CDIN1: variants seen among roughly 807,000 people sequenced by gnomAD.
CDIN1 encodes CDAN1 interacting nuclease 1.
Under a neutral mutation model 45.3 loss-of-function variants are expected in CDIN1, and 33 were observed. That is an observed-to-expected ratio of 0.73 (90% CI 0.55 to 0.97). The LOEUF is 0.97. Ranked by LOEUF, CDIN1 falls within the 50% of genes least tolerant of loss-of-function variation. The probability of loss-of-function intolerance (pLI) is 0.00; values close to 1 mark genes in which losing one functional copy is unlikely to be tolerated. For missense variants in CDIN1, 303 were observed against 339.4 expected, an observed-to-expected ratio of 0.89 and a Z score of 0.84; for synonymous variants, 118 against 124.4, an observed-to-expected ratio of 0.95 and a Z score of 0.34.
At position 36,580,997 on chromosome 15, in the gene CDIN1, G is replaced by T. The variant is rs117014195; in HGVS notation, c.101+1036G>T. Among the ~76,000 whole-genome samples, 72 of 152,264 alleles carry T rather than the reference G, an allele frequency of 4.7e-4. No individual in the cohort carries two copies. The East Asian group carries it at 0.012, about 25-fold the overall frequency. Reference sequence around the variant, plus strand: ...TTCTGTTATGACTTTGCTTTTTGAAGGACTTGGTTTTCCTAGTCTGTAAAA... The same window carrying T: ...TTCTGTTATGACTTTGCTTTTTGAATGACTTGGTTTTCCTAGTCTGTAAAA... On this transcript the variant is annotated intron_variant, in intron 1 of 10. Coordinates refer to ENST00000566621, the MANE Select transcript of CDIN1 (RefSeq NM_001321759.2).
intron 1 of CDIN1, among the ~76,000 whole-genome samples, chr15:36,621,895 G>A (rs988427966): frequency 8.0e-6 from 1 of 124,512 alleles, no homozygotes; most frequent in East Asian, 2.1e-4. Context: ...TCCTCCAAGG[G>A]CTTTTAATAG....
intron 10 of CDIN1, among the ~76,000 whole-genome samples, chr15:36,762,350 G>A (rs1346262085): frequency 6.6e-6 from 1 of 152,118 alleles, no homozygotes; most frequent in East Asian, 1.9e-4. Context: ...ACATATTGCT[G>A]AAGTAGTTAA....
chr15:36,787,360 TC>T (rs1234261133), intron 10 of CDIN1, among the ~76,000 whole-genome samples: 1 of 152,242 alleles, frequency 6.6e-6, no homozygotes, highest in East Asian at 1.9e-4. Context: ...TGGTAGCTTT[TC>T]AAGCATTTCA....
intron 10 of CDIN1, among the ~76,000 whole-genome samples, chr15:36,779,529 C>A (rs935690691): frequency 6.6e-6 from 1 of 152,158 alleles, no homozygotes; most frequent in African/African-American, 2.4e-5. Flanking sequence ...TGAGCCTGCC[C>A]CAGACCACCT....
At chr15:36,643,754 A>G (rs1315060674) in intron 1 of CDIN1, among the ~76,000 whole-genome samples, 1 of 152,210 alleles carries the variant, frequency 6.6e-6, no homozygotes, top group East Asian at 1.9e-4. Flanking sequence ...GTATTTTCAT[A>G]GCACGCCAGT....
chr15:36,649,898 A>G (rs548429332), intron 3 of CDIN1, among the ~76,000 whole-genome samples: 2 of 152,328 alleles, frequency 1.3e-5, no homozygotes, highest in African/African-American at 2.4e-5. Flanking sequence ...TGTGTCTTAT[A>G]TATGTATTGT....
At chr15:36,722,262 AAG>A (rs1566930177) in intron 10 of CDIN1, among the ~76,000 whole-genome samples, 1 of 149,496 alleles carries the variant, frequency 6.7e-6, no homozygotes, top group Non-Finnish European at 1.5e-5. Context: ...GTCATCATGA[AAG>A]AGAGTACTGT....
intron 1 of CDIN1, among the ~76,000 whole-genome samples, chr15:36,599,551 T>C (rs2037999889): frequency 6.6e-6 from 1 of 152,246 alleles, no homozygotes; most frequent in Non-Finnish European, 1.5e-5. Context: ...GTGTCAGATC[T>C]GATAAATTAT....
Position 36,808,505 on chromosome 15 carries a change from AT to A in CDIN1, c.*56del. The A allele has an allele frequency of 6.2e-7, 1 of 1,602,520 alleles. No individual in the cohort carries two copies. Among genetic ancestry groups the A allele is most frequent in the South Asian group, 1.1e-5 (1 of 89,532 alleles). On this transcript the variant is annotated 3_prime_UTR_variant, in exon 11 of 11. Transcript: ENST00000566621. ...GGAGGAAAAGGTGAATCCGGAAGCAATTTTACTTTCCTGCACTGTAAGATCC... is the reference window on the plus strand; with the variant it reads ...GGAGGAAAAGGTGAATCCGGAAGCAATTTACTTTCCTGCACTGTAAGATCC...
intron 10 of CDIN1, among the ~76,000 whole-genome samples, chr15:36,774,157 T>C (rs1006807227): frequency 9.6e-6 from 1 of 104,570 alleles, no homozygotes; most frequent in East Asian, 3.3e-4. Context: ...TGTGTGTGTG[T>C]GTGTGTGCGC....
At chr15:36,657,688 G>A (rs981268109) in intron 4 of CDIN1, 145 bp from the exon 5 acceptor site, 1 of 584,668 alleles carries the variant, frequency 1.7e-6, no homozygotes, top group Non-Finnish European at 3.0e-6. Context: ...TATAATGGAA[G>A]CCACCAAGGG....
intron 1 of CDIN1, among the ~76,000 whole-genome samples, chr15:36,634,290 C>T (rs1707876533): frequency 6.8e-6 from 1 of 147,194 alleles, no homozygotes; most frequent in African/African-American, 2.5e-5. Context: ...ATTAGTCAGG[C>T]GTGGTGGTGC....
chr15:36,751,874 A>G (rs1029777271), intron 10 of CDIN1, among the ~76,000 whole-genome samples: 2 of 152,006 alleles, frequency 1.3e-5, no homozygotes, highest in Admixed American at 6.6e-5. Context: ...GGAAGCCATT[A>G]TGCTCAGCAA....
chr15:36,594,870 C>T, intron 1 of CDIN1: 1 of 984,838 alleles, frequency 1.0e-6, no homozygotes, highest in South Asian at 4.7e-5. Context: ...TTGTTTGGCT[C>T]TTTAATACCA....
At chr15:36,726,808 A>G (rs2043644859) in intron 10 of CDIN1, among the ~76,000 whole-genome samples, 2 of 151,938 alleles carry the variant, frequency 1.3e-5, no homozygotes, top group African/African-American at 4.9e-5. Context: ...AAACTGTAGT[A>G]GAGCCCAGTA....
intron 5 of CDIN1, among the ~76,000 whole-genome samples, chr15:36,681,257 T>A (rs1244068065): frequency 6.6e-6 from 1 of 152,124 alleles, no homozygotes; most frequent in Non-Finnish European, 1.5e-5. Flanking sequence ...TAACAGTCAT[T>A]GAGAAGCTCA....
intron 10 of CDIN1, among the ~76,000 whole-genome samples, chr15:36,750,532 G>A (rs571100098): frequency 6.6e-6 from 1 of 152,266 alleles, no homozygotes; most frequent in South Asian, 2.1e-4. Context: ...CTTCCCTCAA[G>A]GTGCTTACAG....
chr15:36,714,249 A>G (rs1488553879), intron 10 of CDIN1, among the ~76,000 whole-genome samples: 2 of 152,194 alleles, frequency 1.3e-5, no homozygotes, highest in Admixed American at 1.3e-4. Context: ...AAGATTTTTA[A>G]AAACAGAAAA....
At chr15:36,716,664 C>G (rs2043225592) in intron 10 of CDIN1, among the ~76,000 whole-genome samples, 1 of 152,122 alleles carries the variant, frequency 6.6e-6, no homozygotes, top group African/African-American at 2.4e-5. Context: ...TGTTGTTGTT[C>G]TGTTTGAAAA....
Sources: allele counts gnomAD v4.1 joint callset (sites outside exome capture counted in the v4.1 genomes callset), GRCh38; gene constraint gnomAD v4.1.1; transcripts MANE v1.5; gene names NCBI Gene and HGNC (gene_info 2026-07-23, HGNC 2026-07-21).